The following CTNNA2 variants were observed in gnomAD, a reference collection of about 807,000 sequenced individuals.
CTNNA2 encodes catenin alpha-2.
CTNNA2 carries 42 observed loss-of-function variants against 101.0 expected under a neutral mutation model. That is an observed-to-expected ratio of 0.42 (90% CI 0.32 to 0.54). CTNNA2 has a LOEUF of 0.54. Among genes scored for constraint, CTNNA2 ranks in the 20% least tolerant of loss-of-function variants. The pLI, the probability that CTNNA2 is intolerant of heterozygous loss-of-function variation, is 0.14. For missense variants in CTNNA2, 871 were observed against 1,223.1 expected (o/e 0.71, Z 4.29); for synonymous variants, 450 against 456.4 (o/e 0.99, Z 0.18).
chr2:80,248,184 C>T (rs954748591), intron 7 of CTNNA2, among the ~76,000 whole-genome samples: 1 of 152,054 alleles, frequency 6.6e-6, no homozygotes, highest in African/African-American at 2.4e-5. Context: ...CCTGTCATAG[C>T]CTCTTTTATG....
intron 2 of CTNNA2, among the ~76,000 whole-genome samples, chr2:79,206,542 T>A (rs1455125689): frequency 2.6e-5 from 4 of 152,182 alleles, no homozygotes; most frequent in Admixed American, 2.6e-4. Context: ...TCTTCTCCTC[T>A]CCTTTCTCAC....
chr2:79,771,767 G>C (rs1673598438), intron 3 of CTNNA2, among the ~76,000 whole-genome samples: 1 of 151,822 alleles, frequency 6.6e-6, no homozygotes, highest in Non-Finnish European at 1.5e-5. Flanking sequence ...CTTACCTCCT[G>C]CTGTGACCAG....
chr2:80,035,048 G>C (rs1446136141), intron 7 of CTNNA2, among the ~76,000 whole-genome samples: 1 of 152,172 alleles, frequency 6.6e-6, no homozygotes, highest in African/African-American at 2.4e-5. Flanking sequence ...TTAGGGGACT[G>C]GTTAAATGAA....
At chr2:79,603,428 A>C (rs1677676633) in intron 1 of CTNNA2, among the ~76,000 whole-genome samples, 1 of 152,190 alleles carries the variant, frequency 6.6e-6, no homozygotes, top group South Asian at 2.1e-4. Context: ...GGAATGACAA[A>C]ACTTATAATC....
intron 1 of CTNNA2, among the ~76,000 whole-genome samples, chr2:79,603,233 C>G (rs527652418): frequency 2.5e-4 from 38 of 151,962 alleles, no homozygotes; most frequent in Non-Finnish European, 3.5e-4. Flanking sequence ...TGCCTCATAC[C>G]ACATATTAAA....
intron 18 of CTNNA2, among the ~76,000 whole-genome samples, chr2:80,622,303 A>G (rs1196413541): frequency 6.6e-6 from 1 of 151,938 alleles, no homozygotes; most frequent in African/African-American, 2.4e-5. Context: ...AATACATAAC[A>G]GGCAGAGGAA....
At chr2:80,452,623 T>C (rs1423135649) in intron 9 of CTNNA2, among the ~76,000 whole-genome samples, 1 of 151,562 alleles carries the variant, frequency 6.6e-6, no homozygotes, top group Non-Finnish European at 1.5e-5. Context: ...CACAAATGCA[T>C]GGAGCTTACA....
intron 3 of CTNNA2, among the ~76,000 whole-genome samples, chr2:79,847,313 G>A (rs1680306293): frequency 1.3e-5 from 2 of 152,104 alleles, no homozygotes; most frequent in African/African-American, 4.8e-5. Flanking sequence ...GGGAGGCTGA[G>A]GCGAGTGGAT....
chr2:80,306,965 T>C (rs928516811), intron 7 of CTNNA2, among the ~76,000 whole-genome samples: 3 of 151,834 alleles, frequency 2.0e-5, no homozygotes, highest in Non-Finnish European at 4.4e-5. Context: ...TTAAATTCAC[T>C]GATTTATATG....
At chr2:80,057,051 C>A (rs1697260778) in intron 7 of CTNNA2, among the ~76,000 whole-genome samples, 1 of 152,074 alleles carries the variant, frequency 6.6e-6, no homozygotes, top group Admixed American at 6.6e-5. Context: ...AAAATTAATT[C>A]ATTCTTTATA....
intron 1 of CTNNA2, among the ~76,000 whole-genome samples, chr2:79,641,521 T>C (rs1200539497): frequency 6.6e-6 from 1 of 152,186 alleles, no homozygotes; most frequent in Non-Finnish European, 1.5e-5. Context: ...CAAATCTGAA[T>C]TGCGGTGTTG....
chr2:79,749,336 T>C (rs183784553), intron 3 of CTNNA2, among the ~76,000 whole-genome samples: 2 of 152,304 alleles, frequency 1.3e-5, no homozygotes, highest in Admixed American at 6.5e-5. Context: ...AGGCTTATGA[T>C]AGCATTTATA....
chr2:80,090,026 G>A (rs752154611), intron 7 of CTNNA2, among the ~76,000 whole-genome samples: 31 of 152,142 alleles, frequency 2.0e-4, no homozygotes, highest in Non-Finnish European at 4.3e-4. Context: ...CTGCCAGGAT[G>A]TGGGATGTTC....
intron 7 of CTNNA2, among the ~76,000 whole-genome samples, chr2:80,388,124 G>A (rs890784608): frequency 2.0e-5 from 3 of 152,192 alleles, no homozygotes; most frequent in African/African-American, 7.2e-5. Flanking sequence ...ATGAAACTAT[G>A]AAATCACAGA....
At chr2:80,499,506 A>T (rs990143436) in intron 9 of CTNNA2, among the ~76,000 whole-genome samples, 3 of 151,188 alleles carry the variant, frequency 2.0e-5, no homozygotes, top group Non-Finnish European at 4.4e-5. Context: ...TTTTTTTTTT[A>T]AAGGAGCTAT....
At chr2:80,625,345 T>A (rs940281228) in intron 18 of CTNNA2, among the ~76,000 whole-genome samples, 1 of 152,042 alleles carries the variant, frequency 6.6e-6, no homozygotes, top group Non-Finnish European at 1.5e-5. Flanking sequence ...GCATTTAAAA[T>A]GCACTATGAA....
chr2:80,025,504 A>G (rs1361639121), intron 7 of CTNNA2, among the ~76,000 whole-genome samples: 2 of 152,216 alleles, frequency 1.3e-5, no homozygotes, highest in African/African-American at 4.8e-5. Flanking sequence ...AAAAGGGAGC[A>G]GCTCATGCAA....
At chr2:79,915,826 T>G (rs1230144477) in intron 7 of CTNNA2, among the ~76,000 whole-genome samples, 1 of 152,326 alleles carries the variant, frequency 6.6e-6, no homozygotes, top group East Asian at 1.9e-4. Context: ...TGGCTGTATA[T>G]TACTGCCGAG....
chr2:79,861,023 T>C (rs911787776), intron 4 of CTNNA2, among the ~76,000 whole-genome samples: 5 of 152,178 alleles, frequency 3.3e-5, no homozygotes, highest in Non-Finnish European at 5.9e-5. Flanking sequence ...TAGAAAATAT[T>C]TACACCTTTC....
Sources: allele counts gnomAD v4.1 joint callset (sites outside exome capture counted in the v4.1 genomes callset), GRCh38; gene constraint gnomAD v4.1.1; transcripts MANE v1.5; gene names NCBI Gene and HGNC (gene_info 2026-07-23, HGNC 2026-07-21).